Variants in ARAP2 observed in about 807,000 individuals in gnomAD.
ARAP2 encodes ArfGAP with RhoGAP domain, ankyrin repeat and PH domain 2.
In ARAP2, 148 loss-of-function variants were observed where a neutral mutation model predicts 194.5. The ratio of observed to expected loss-of-function variants is 0.76; its 90% CI spans 0.67 to 0.87. The LOEUF is 0.87. Ranked by LOEUF, ARAP2 falls within the 40% of genes least tolerant of loss-of-function variation. The pLI, the probability that ARAP2 is intolerant of heterozygous loss-of-function variation, is 0.00. For missense variants in ARAP2, 2,128 were observed against 1,989.7 expected, an observed-to-expected ratio of 1.07 and a Z score of -1.32; for synonymous variants, 695 against 683.5, an observed-to-expected ratio of 1.02 and a Z score of -0.26.
At chr4:36,014,285 G>GAA (rs1379873134) in intron 8 of ARAP2, among the ~76,000 whole-genome samples, 1 of 133,998 alleles carries the variant, frequency 7.5e-6, no homozygotes, top group African/African-American at 2.8e-5. Context: ...AAGAAAGAAA[G>GAA]AAAGAAAGAA....
At chr4:36,089,986 G>T (rs769954079) in intron 28 of ARAP2, among the ~76,000 whole-genome samples, 4 of 151,662 alleles carry the variant, frequency 2.6e-5, no homozygotes, top group East Asian at 1.9e-4. Context: ...TTTATAAAAA[G>T]AATTTTTACA....
At chr4:36,189,341 A>G (rs1382835470) in intron 7 of ARAP2, among the ~76,000 whole-genome samples, 1 of 152,172 alleles carries the variant, frequency 6.6e-6, no homozygotes, top group Non-Finnish European at 1.5e-5. Context: ...TGATACATAT[A>G]AAGTATAATG....
At chr4:36,160,332 A>G in intron 13 of ARAP2, 127 bp downstream of exon 13, 3 of 1,244,592 alleles carry the variant, frequency 2.4e-6, no homozygotes, top group Non-Finnish European at 3.1e-6. Context: ...TAATGTCACA[A>G]AAGGAAATAA....
At chr4:36,011,100 G>A (rs1714453824) in intron 9 of ARAP2, among the ~76,000 whole-genome samples, 1 of 152,096 alleles carries the variant, frequency 6.6e-6, no homozygotes, top group Non-Finnish European at 1.5e-5. Context: ...AAGAAAGAGT[G>A]GCTCAAAGTG....
intron 9 of ARAP2, among the ~76,000 whole-genome samples, chr4:36,010,790 G>A (rs1254387441): frequency 3.3e-5 from 5 of 152,086 alleles, no homozygotes; most frequent in African/African-American, 4.8e-5. Context: ...CTGACTTGCG[G>A]GATATATGGT....
chr4:36,123,221 C>T (rs1341928034), intron 22 of ARAP2, among the ~76,000 whole-genome samples: 1 of 151,742 alleles, frequency 6.6e-6, no homozygotes, highest in Non-Finnish European at 1.5e-5. Flanking sequence ...ATGTATCTCA[C>T]AGTCAGAAAC....
chr4:36,209,986 T>A (rs989823252), intron 6 of ARAP2, among the ~76,000 whole-genome samples: 1 of 152,198 alleles, frequency 6.6e-6, no homozygotes, highest in African/African-American at 2.4e-5. Flanking sequence ...AAGCCTTGTA[T>A]TCTCAAACAG....
intron 24 of ARAP2, among the ~76,000 whole-genome samples, chr4:36,117,828 A>G (rs182246460): frequency 8.5e-4 from 129 of 151,766 alleles, no homozygotes; most frequent in South Asian, 1.9e-3. Flanking sequence ...AGAAGATGCA[A>G]GCCTGAAAAT....
chr4:36,182,553 C>T (rs961838602), intron 8 of ARAP2, among the ~76,000 whole-genome samples: 23 of 151,226 alleles, frequency 1.5e-4, no homozygotes, highest in African/African-American at 2.9e-4. Flanking sequence ...ATCCATGGAG[C>T]GTAAAGTGAA....
intron 27 of ARAP2, among the ~76,000 whole-genome samples, chr4:36,098,082 T>C (rs1336523029): frequency 6.6e-6 from 1 of 152,062 alleles, no homozygotes; most frequent in Non-Finnish European, 1.5e-5. Context: ...TTCTAAGCCA[T>C]TTGAAAATCT....
chr4:36,189,330 G>A lies in ARAP2; in HGVS notation c.1558-1759C>T, dbSNP rs574072921. Among the ~76,000 whole-genome samples the A allele has an allele frequency of 3.3e-5, 5 of 152,018 alleles. No individual in the cohort carries two copies. The South Asian group carries it at 8.3e-4, about 25-fold the overall frequency. On this transcript the variant is annotated intron_variant, in intron 7 of 32. Coordinates refer to ENST00000303965, the MANE Select transcript of ARAP2 (RefSeq NM_015230.4). The stretch of plus-strand genomic sequence containing the variant: ...TGATGTCATGATACATAGTGATGTC[G>A]TGATACATATAAAGTATAATGACCA...
At chr4:36,012,446 T>C (rs1714740313) in intron 9 of ARAP2, 1 of 152,234 alleles carries the variant, frequency 6.6e-6, no homozygotes, top group African/African-American at 2.4e-5. Context: ...TTTTGCTTTA[T>C]CAATATGTAT....
At chr4:36,205,785 A>G (rs972497372) in intron 6 of ARAP2, among the ~76,000 whole-genome samples, 1 of 152,160 alleles carries the variant, frequency 6.6e-6, no homozygotes, top group Non-Finnish European at 1.5e-5. Flanking sequence ...TCCAAACCCT[A>G]TTCATTTCTC....
At chr4:36,021,494 T>C (rs1716940001) in intron 5 of ARAP2, among the ~76,000 whole-genome samples, 2 of 152,140 alleles carry the variant, frequency 1.3e-5, no homozygotes, top group Admixed American at 6.6e-5. Context: ...GATCTGGTCA[T>C]TGAAAATTGT....
In ARAP2 at chr4:36,114,655, G is replaced by C. The variant is rs142091155; in HGVS notation, c.4039-368C>G. Among the ~76,000 whole-genome samples the C allele has an allele frequency of 5.3e-5, 8 of 152,078 alleles. No homozygotes were observed. The East Asian group carries it at 1.2e-3, about 22-fold the overall frequency. The stretch of plus-strand genomic sequence containing the variant: ...CAACAGTTCTATAATTAAGAGTGTA[G>C]AGTGACTTGGTTTATTCAGCCTAGA... On this transcript the variant is annotated intron_variant, in intron 25 of 32. Coordinates refer to ENST00000303965, the MANE Select transcript of ARAP2 (RefSeq NM_015230.4).
At chr4:36,069,938 C>A (rs928899891) in intron 32 of ARAP2, among the ~76,000 whole-genome samples, 2 of 151,978 alleles carry the variant, frequency 1.3e-5, no homozygotes, top group African/African-American at 4.8e-5. Flanking sequence ...CCTTTCCCCC[C>A]TCTCTCTCTT....
Position 36,142,941 on chromosome 4 carries a change from T to G in ARAP2, c.3263+4355A>C, listed in dbSNP as rs73809133. ...TTCTCCCATCAATTTATTCTTAGATTTCTTATAAGAATCTCATGCTCAACA... is the reference window on the plus strand; with the variant it reads ...TTCTCCCATCAATTTATTCTTAGATGTCTTATAAGAATCTCATGCTCAACA... On this transcript the variant is annotated intron_variant, in intron 19 of 32. Coordinates refer to ENST00000303965, the MANE Select transcript of ARAP2 (RefSeq NM_015230.4). Among the ~76,000 whole-genome samples, 965 of 151,910 alleles carry G rather than the reference T, an allele frequency of 6.4e-3. 12 individuals are homozygous for G. Among genetic ancestry groups the G allele is most frequent in the African/African-American group, 0.022 (913 of 41,534 alleles).
At chr4:36,215,785 C>T (rs1211421431) in intron 2 of ARAP2, among the ~76,000 whole-genome samples, 1 of 151,354 alleles carries the variant, frequency 6.6e-6, no homozygotes, top group Admixed American at 6.6e-5. Context: ...GGAGGCGGAG[C>T]CCTGCAGTGA....
chr4:36,143,684 A>C (rs1728905305), intron 19 of ARAP2, among the ~76,000 whole-genome samples: 1 of 151,780 alleles, frequency 6.6e-6, no homozygotes, highest in Non-Finnish European at 1.5e-5. Flanking sequence ...TGATAATATA[A>C]TTGCGTTTAA....
Sources: gnomAD v4.1 joint callset for allele counts (sites outside exome capture counted in the v4.1 genomes callset) on GRCh38, gnomAD v4.1.1 for gene constraint, MANE v1.5 for transcripts, NCBI Gene and HGNC (gene_info 2026-07-23, HGNC 2026-07-21) for gene names.